Variants in PLA2R1 observed in about 807,000 individuals in gnomAD.
The protein encoded by PLA2R1 is secretory phospholipase A2 receptor.
PLA2R1 carries 158 observed loss-of-function variants against 195.9 expected under a neutral mutation model. The ratio of observed to expected loss-of-function variants is 0.81; its 90% CI spans 0.71 to 0.92. The LOEUF is 0.92. PLA2R1 is among the 40% of genes least tolerant of loss of function. The probability of loss-of-function intolerance (pLI) is 0.00; values close to 1 mark genes in which losing one functional copy is unlikely to be tolerated. For synonymous variants in PLA2R1, 586 were observed against 598.2 expected (o/e 0.98, Z 0.30); for missense variants, 1,626 against 1,764.6 (o/e 0.92, Z 1.41).
At chr2:160,033,555 G>A (rs1247171972) in intron 3 of PLA2R1, among the ~76,000 whole-genome samples, 2 of 152,138 alleles carry the variant, frequency 1.3e-5, no homozygotes, top group Non-Finnish European at 2.9e-5. Context: ...AATACAAAAT[G>A]CTAAAATAAA....
chr2:159,979,616 T>C (rs2105288030), intron 14 of PLA2R1, among the ~76,000 whole-genome samples: 1 of 152,270 alleles, frequency 6.6e-6, no homozygotes. Flanking sequence ...TTTGATACTT[T>C]TTCAGGCTGA....
chr2:160,062,168 C>CCCCT (rs1458171237), intron 1 of PLA2R1, 127 bp downstream of exon 1: 9 of 650,576 alleles, frequency 1.4e-5, no homozygotes, highest in Non-Finnish European at 1.8e-5. Flanking sequence ...GACACACGAA[C>CCCCT]CCCTACAAAC....
rs151043804 is a variant in PLA2R1 at position 160,042,132 on chromosome 2, T to C, written c.560A>G (p.Gln187Arg). The change falls in exon 3 of 30, where the codon CAG (glutamine) becomes CGG (arginine). Residue 187 changes from glutamine (Q) to arginine (R), a missense_variant. Gln to Arg is a conservative substitution (Grantham distance 43, BLOSUM62 1). Coordinates refer to ENST00000283243, the MANE Select transcript of PLA2R1 (RefSeq NM_007366.5). Reference sequence around the variant, plus strand: ...TTCACGGGTACATTCATGATGCCACTGATGGTTATACTGGAAGGGAAACAT... The same window carrying C: ...TTCACGGGTACATTCATGATGCCACCGATGGTTATACTGGAAGGGAAACAT... ...PCMFPFQYNH[Q>R]WHHECTREGR... 885 of 1,614,088 alleles carry C rather than the reference T, an allele frequency of 5.5e-4. 5 individuals are homozygous for C. In the African/African-American group the frequency reaches 9.6e-3, roughly 18 times the overall value.
At chr2:159,956,809 G>C (rs1188899901) in intron 20 of PLA2R1, among the ~76,000 whole-genome samples, 182 bp from the exon 21 acceptor site, 1 of 152,156 alleles carries the variant, frequency 6.6e-6, no homozygotes, top group Non-Finnish European at 1.5e-5. Flanking sequence ...GCAGCTTTTA[G>C]GGTGAGTTAA....
chr2:160,020,098 C>T lies in PLA2R1; in HGVS notation c.1452+8G>A. On this transcript the variant is annotated splice_region_variant and intron_variant, in intron 8 of 29. Transcript: ENST00000283243. ...CAAAGTGAGCACTGAACAAATGAATCAACTTACAGACTGCTCTGCTGAGAC... is the reference window on the plus strand; with the variant it reads ...CAAAGTGAGCACTGAACAAATGAATTAACTTACAGACTGCTCTGCTGAGAC... 6.2e-7 allele frequency: 1 copy of T among 1,607,268 alleles called. No individual in the cohort carries two copies.
chr2:159,996,532 T>G (rs528573872), intron 11 of PLA2R1, among the ~76,000 whole-genome samples: 2 of 152,092 alleles, frequency 1.3e-5, no homozygotes, highest in Non-Finnish European at 2.9e-5. Context: ...TTTTCGTGCG[T>G]TCATCTTGGT....
chr2:159,983,944 G>GT lies in PLA2R1; in HGVS notation c.2166dup (p.His723ThrfsTer5). The GT allele has an allele frequency of 6.3e-7, 1 of 1,579,822 alleles. No individual in the cohort carries two copies. Among genetic ancestry groups the GT allele is most frequent in the Non-Finnish European group, 8.7e-7 (1 of 1,152,794 alleles). Reference sequence around the variant, plus strand: ...AGTATTTACCAATTAAATTTTGAATGTAAGAGCTCATTCACAAAATTCTCT... The same window carrying GT: ...AGTATTTACCAATTAAATTTTGAATGTTAAGAGCTCATTCACAAAATTCTCT... On this transcript the variant is annotated frameshift_variant, in exon 13 of 30. Transcript: ENST00000283243. LOFTEE classifies it high-confidence loss of function.
At chr2:160,018,309 T>C (rs1692895255) in intron 8 of PLA2R1, among the ~76,000 whole-genome samples, 1 of 152,078 alleles carries the variant, frequency 6.6e-6, no homozygotes, top group Admixed American at 6.6e-5. Flanking sequence ...CTAAATTATA[T>C]CAAAACTAAT....
intron 5 of PLA2R1, 76 bp from the exon 6 acceptor site, chr2:160,028,437 G>T: frequency 9.8e-7 from 1 of 1,021,736 alleles, no homozygotes; most frequent in Non-Finnish European, 1.5e-6. Flanking sequence ...GTGGTTTTCA[G>T]CATCGGGGGA....
chr2:160,044,036 AATGG>A (rs1265172518), intron 2 of PLA2R1, among the ~76,000 whole-genome samples: 2 of 151,964 alleles, frequency 1.3e-5, no homozygotes, highest in East Asian at 1.9e-4. Flanking sequence ...ATGCGGGATG[AATGG>A]ATGGATGGAT....
In PLA2R1 at chr2:160,003,071, G is replaced by A. The variant is rs183525025; in HGVS notation, c.1834+2581C>T. Among the ~76,000 whole-genome samples, 625 of 152,074 alleles carry A rather than the reference G, an allele frequency of 4.1e-3. 7 individuals carry two copies. Among genetic ancestry groups the A allele is most frequent in the Middle Eastern group, 0.024 (7 of 294 alleles). The stretch of plus-strand genomic sequence containing the variant: ...AGGGAAACAGAAAATGAGAATGTAG[G>A]TTATGTTTATTATGGTATTTCGAAT... On this transcript the variant is annotated intron_variant, in intron 11 of 29. Coordinates refer to ENST00000283243, the MANE Select transcript of PLA2R1 (RefSeq NM_007366.5).
Position 160,044,795 on chromosome 2 carries a change from T to C in PLA2R1, c.472A>G (p.Ile158Val). The C allele has an allele frequency of 6.2e-7, 1 of 1,612,084 alleles. No homozygotes were observed. Residue 158 changes from isoleucine (I) to valine (V), a missense_variant, in exon 2 of 30, where the codon ATT becomes GTT. Physicochemically the swap from Ile to Val is conservative, Grantham distance 29. Transcript: ENST00000283243. ...TTACCTTTGTGTAGATATTCACAAA[T>C]GTCTCCACCACCTGACCCATAAGAA... ...WISYGSGGGD[I>V]CEYLHKDLHT...
chr2:160,057,016 T>C (rs1573993518), intron 1 of PLA2R1, among the ~76,000 whole-genome samples: 2 of 152,248 alleles, frequency 1.3e-5, no homozygotes, highest in South Asian at 2.1e-4. Flanking sequence ...CATCCCTGTG[T>C]CCACCTCCTG....
chr2:160,000,900 T>G (rs1275432133), intron 11 of PLA2R1, among the ~76,000 whole-genome samples: 1 of 152,034 alleles, frequency 6.6e-6, no homozygotes, highest in East Asian at 1.9e-4. Context: ...TTAAAAATAT[T>G]AACAAACATG....
intron 17 of PLA2R1, among the ~76,000 whole-genome samples, chr2:159,975,033 G>A (rs1220134807): frequency 6.6e-6 from 1 of 152,172 alleles, no homozygotes; most frequent in East Asian, 1.9e-4. Context: ...TACAGGAAAA[G>A]AAAATGGCTT....
In PLA2R1 at chr2:160,062,422, C is replaced by G. The variant is rs1323460805; in HGVS notation, c.-19G>C. On this transcript the variant is annotated 5_prime_UTR_variant, in exon 1 of 30. Coordinates refer to ENST00000283243, the MANE Select transcript of PLA2R1 (RefSeq NM_007366.5). Reference sequence around the variant, plus strand: ...GCAGCATCGCTAACCACTGGGCTCTCCGGGAGCCCCTTGTCCCGGGAGCCC... The same window carrying G: ...GCAGCATCGCTAACCACTGGGCTCTGCGGGAGCCCCTTGTCCCGGGAGCCC... 6.5e-7 allele frequency: 1 copy of G among 1,530,402 alleles called. No homozygotes were observed. The highest frequency in any genetic ancestry group is 8.8e-7 in the Non-Finnish European group (1 of 1,138,884). 94.8% of individuals were successfully genotyped at this position (1,530,402 alleles called of 1,614,324 possible). A position where few individuals can be genotyped will look rare whatever the true frequency, so the allele number is the denominator to read the frequency against.
intron 13 of PLA2R1, among the ~76,000 whole-genome samples, 163 bp downstream of exon 13, chr2:159,983,765 T>C (rs1690132717): frequency 6.6e-6 from 1 of 152,184 alleles, no homozygotes; most frequent in Admixed American, 6.5e-5. Flanking sequence ...GAGAACCTGG[T>C]ACAAGATAAA....
At chr2:159,925,993 G>C in the PLA2R1 span, among the ~76,000 whole-genome samples, 2 of 152,168 alleles carry the variant, frequency 1.3e-5, no homozygotes, top group African/African-American at 4.8e-5. Context: ...AGGAGAGCTG[G>C]AGAGGTTCTG....
At chr2:160,001,239 G>GT (rs1558895569) in intron 11 of PLA2R1, among the ~76,000 whole-genome samples, 1 of 152,024 alleles carries the variant, frequency 6.6e-6, no homozygotes, top group Non-Finnish European at 1.5e-5. Flanking sequence ...GAATAACTTT[G>GT]ATATTGTTGA....
Sources: gnomAD v4.1 joint callset for allele counts (sites outside exome capture counted in the v4.1 genomes callset) on GRCh38, gnomAD v4.1.1 for gene constraint, MANE v1.5 for transcripts, NCBI Gene and HGNC (gene_info 2026-07-23, HGNC 2026-07-21) for gene names.